ADGRL2: variants seen among roughly 807,000 people sequenced by gnomAD.
ADGRL2 encodes calcium-independent alpha-latrotoxin receptor 2.
Under a neutral mutation model 157.4 loss-of-function variants are expected in ADGRL2, and 44 were observed. That is an observed-to-expected ratio of 0.28 (90% CI 0.22 to 0.36). ADGRL2 has a LOEUF of 0.36. ADGRL2 is among the 10% of genes least tolerant of loss of function. The pLI is 1.00. For synonymous variants in ADGRL2, 585 were observed against 624.7 expected (o/e 0.94, Z 0.95); for missense variants, 1,510 against 1,768.9 (o/e 0.85, Z 2.63).
chr1:81,958,921 T>G (rs1208063654), intron 11 of ADGRL2, among the ~76,000 whole-genome samples: 1 of 152,244 alleles, frequency 6.6e-6, no homozygotes, highest in Non-Finnish European at 1.5e-5. Context: ...GCTGCTTTTA[T>G]GCAGAGGAAT....
chr1:81,755,821 T>G (rs2085668753), intron 1 of ADGRL2, among the ~76,000 whole-genome samples: 1 of 152,126 alleles, frequency 6.6e-6, no homozygotes, highest in African/African-American at 2.4e-5. Context: ...GAATGCCTGC[T>G]GTATTAAGCC....
intron 2 of ADGRL2, among the ~76,000 whole-genome samples, chr1:81,538,876 T>C (rs1020644520): frequency 1.6e-4 from 25 of 151,728 alleles, no homozygotes; most frequent in African/African-American, 6.0e-4. Flanking sequence ...GGCATGGTGG[T>C]GTTTTCCTGT....
chr1:81,682,103 A>ATGTGTGTGTGTGTGTGTGTG (rs57943530), intron 3 of ADGRL2, among the ~76,000 whole-genome samples: 114 of 148,036 alleles, frequency 7.7e-4, no homozygotes, highest in South Asian at 1.7e-3. Context: ...ATACATATAT[A>ATGTGTGTGTGTGTGTGTGTG]TGTGTGTGTG....
chr1:81,837,361 A>G (rs886570175), intron 2 of ADGRL2, among the ~76,000 whole-genome samples: 1 of 151,964 alleles, frequency 6.6e-6, no homozygotes, highest in Non-Finnish European at 1.5e-5. Context: ...TATTCACTAC[A>G]TTTATTTTAG....
chr1:81,869,271 G>A (rs2093630355), intron 2 of ADGRL2, among the ~76,000 whole-genome samples: 1 of 151,452 alleles, frequency 6.6e-6, no homozygotes, highest in Non-Finnish European at 1.5e-5. Context: ...TTTCTTTTTA[G>A]TTATTTTCAA....
intron 1 of ADGRL2, among the ~76,000 whole-genome samples, chr1:81,738,842 GTGACC>G (rs1203847292): frequency 6.6e-6 from 1 of 152,146 alleles, no homozygotes; most frequent in Non-Finnish European, 1.5e-5. Flanking sequence ...CCTTGGCCTG[GTGACC>G]TAAGTGATCA....
chr1:81,707,464 T>C (rs2083775186), intron 1 of ADGRL2, among the ~76,000 whole-genome samples: 1 of 152,158 alleles, frequency 6.6e-6, no homozygotes, highest in Admixed American at 6.5e-5. Context: ...CACGTAAAAG[T>C]GTGTTCCTTG....
chr1:81,400,725 C>A (rs1236334451), intron 1 of ADGRL2, among the ~76,000 whole-genome samples: 2 of 152,088 alleles, frequency 1.3e-5, no homozygotes, highest in African/African-American at 2.4e-5. Flanking sequence ...ACACAGCTGT[C>A]TTTTGGGCCC....
At chr1:81,358,319 T>C (rs12093730) in intron 1 of ADGRL2, among the ~76,000 whole-genome samples, 18,760 of 152,152 alleles carry the variant, frequency 0.12, 1,318 homozygotes, top group African/African-American at 0.17. Flanking sequence ...AGGAAAGTGG[T>C]GACCTCGGCT....
chr1:81,901,964 A>G (rs1255638158), intron 2 of ADGRL2, among the ~76,000 whole-genome samples: 1 of 152,200 alleles, frequency 6.6e-6, no homozygotes, highest in Non-Finnish European at 1.5e-5. Flanking sequence ...AGCTCCTGAC[A>G]ACATGTGCCC....
At chr1:81,492,599 C>T (rs185495450) in intron 2 of ADGRL2, among the ~76,000 whole-genome samples, 1 of 152,262 alleles carries the variant, frequency 6.6e-6, no homozygotes, top group Admixed American at 6.5e-5. Context: ...TGTTGAAAAT[C>T]ATCACTGTGC....
chr1:81,474,253 G>T (rs765315159), intron 2 of ADGRL2, among the ~76,000 whole-genome samples: 1 of 152,162 alleles, frequency 6.6e-6, no homozygotes, highest in East Asian at 1.9e-4. Flanking sequence ...CGGCAGAAAA[G>T]AATCATTATG....
chr1:81,600,125 A>T lies in ADGRL2; in HGVS notation c.-143+19145A>T, dbSNP rs111272597. ...AATATGTGATGCTATTTTCAAAATCAGACATGCTGGTGACTCTTCCAGAGC... is the reference window on the plus strand; with the variant it reads ...AATATGTGATGCTATTTTCAAAATCTGACATGCTGGTGACTCTTCCAGAGC... On this transcript the variant is annotated intron_variant, in intron 3 of 24. Transcript: ENST00000370721. Among the ~76,000 whole-genome samples the T allele has an allele frequency of 1.0e-3, 155 of 152,328 alleles. 1 individual carries two copies. The highest frequency in any genetic ancestry group is 3.7e-3 in the African/African-American group (152 of 41,574).
At chr1:81,609,097 TG>T (rs2081491127) in intron 3 of ADGRL2, among the ~76,000 whole-genome samples, 1 of 151,904 alleles carries the variant, frequency 6.6e-6, no homozygotes, top group Non-Finnish European at 1.5e-5. Context: ...TAGAGTGCAG[TG>T]GTGCAATCAT....
chr1:81,489,616 C>T (rs1014873324), intron 2 of ADGRL2, among the ~76,000 whole-genome samples: 1 of 152,116 alleles, frequency 6.6e-6, no homozygotes, highest in Non-Finnish European at 1.5e-5. Context: ...ATCCAAGAAG[C>T]TCAAACTCCA....
intron 18 of ADGRL2, 49 bp downstream of exon 18, chr1:81,980,009 A>T (rs1661215651): frequency 9.7e-7 from 1 of 1,028,396 alleles, no homozygotes; most frequent in African/African-American, 1.6e-5. Context: ...TAAGTAAAAG[A>T]TACTCTCCAC....
At chr1:81,898,488 CA>C (rs1303081577) in intron 2 of ADGRL2, among the ~76,000 whole-genome samples, 1 of 152,044 alleles carries the variant, frequency 6.6e-6, no homozygotes, top group African/African-American at 2.4e-5. Flanking sequence ...TAAGTAAGCA[CA>C]AAAAAGTAGA....
At chr1:81,392,449 A>G (rs1161348045) in intron 1 of ADGRL2, among the ~76,000 whole-genome samples, 1 of 152,124 alleles carries the variant, frequency 6.6e-6, no homozygotes, top group Non-Finnish European at 1.5e-5. Context: ...ATGCTGGAGG[A>G]ACATGCTAAT....
At chr1:81,456,863 C>T (rs1371487854) in intron 2 of ADGRL2, among the ~76,000 whole-genome samples, 2 of 152,080 alleles carry the variant, frequency 1.3e-5, no homozygotes, top group African/African-American at 4.8e-5. Flanking sequence ...TTTTCCTCCT[C>T]TTTGCTCTCT....
Sources: gnomAD v4.1 joint callset for allele counts (sites outside exome capture counted in the v4.1 genomes callset) on GRCh38, gnomAD v4.1.1 for gene constraint, MANE v1.5 for transcripts, NCBI Gene and HGNC (gene_info 2026-07-23, HGNC 2026-07-21) for gene names.